ZZEF1: variants seen among roughly 807,000 people sequenced by gnomAD.
The protein encoded by ZZEF1 is zinc finger ZZ-type and EF-hand domain containing 1.
ZZEF1 carries 157 observed loss-of-function variants against 342.8 expected under a neutral mutation model. That is an observed-to-expected ratio of 0.46 (90% CI 0.40 to 0.52). The LOEUF (loss-of-function observed/expected upper bound fraction) is 0.52, where lower values mean the gene tolerates loss of function less well. Ranked by LOEUF, ZZEF1 falls within the 20% of genes least tolerant of loss-of-function variation. The probability of loss-of-function intolerance (pLI) is 0.00; values close to 1 mark genes in which losing one functional copy is unlikely to be tolerated. For missense variants in ZZEF1, 3,480 were observed against 3,725.6 expected (o/e 0.93, Z 1.72); for synonymous variants, 1,505 against 1,429.1 (o/e 1.05, Z -1.20).
At chr17:4,031,678 C>T (rs1199704074) in intron 42 of ZZEF1, among the ~76,000 whole-genome samples, 2 of 152,138 alleles carry the variant, frequency 1.3e-5, no homozygotes, top group Non-Finnish European at 2.9e-5. Flanking sequence ...CCTTGGCAAA[C>T]TAAGTCAAAA....
chr17:4,097,584 G>C (rs779904944), intron 9 of ZZEF1, among the ~76,000 whole-genome samples: 2 of 151,398 alleles, frequency 1.3e-5, no homozygotes, highest in Non-Finnish European at 2.9e-5. Flanking sequence ...AATTCTGTAA[G>C]TTGTAGAACA....
chr17:4,117,107 G>A lies in ZZEF1; in HGVS notation c.559C>T (p.Leu187=), dbSNP rs1239407079. Residue 187 remains leucine (L), a synonymous_variant, in exon 3 of 55, where the codon CTG becomes TTG. Transcript: ENST00000381638. ...EGLDIHSSMI[L]RFLHRNRLSS... ...AGCCGATTGCGGTGCAGGAAGCGCAGTATCATTGACGAGTGAATATCAAGG... is the reference window on the plus strand; with the variant it reads ...AGCCGATTGCGGTGCAGGAAGCGCAATATCATTGACGAGTGAATATCAAGG... The A allele has an allele frequency of 6.2e-7, 1 of 1,614,162 alleles. No individual in the cohort carries two copies. Among genetic ancestry groups the A allele is most frequent in the African/African-American group, 1.3e-5 (1 of 75,060 alleles).
At chr17:4,140,371 A>G (rs1173558174) in intron 1 of ZZEF1, among the ~76,000 whole-genome samples, 1 of 152,168 alleles carries the variant, frequency 6.6e-6, no homozygotes, top group African/African-American at 2.4e-5. Context: ...TGTGGGCTGA[A>G]ATGTTACCTT....
At chr17:4,039,412 G>A (rs1208208617) in intron 39 of ZZEF1, among the ~76,000 whole-genome samples, 1 of 152,092 alleles carries the variant, frequency 6.6e-6, no homozygotes, top group Non-Finnish European at 1.5e-5. Context: ...GGAGGTTGCA[G>A]TGAGCTGAAA....
chr17:4,078,090 C>T (rs771931864), intron 18 of ZZEF1, 48 bp from the exon 19 acceptor site: 7 of 1,580,798 alleles, frequency 4.4e-6, no homozygotes, highest in East Asian at 2.3e-5. Context: ...AGGCCATTCA[C>T]AGAGCATAGC....
chr17:4,119,298 G>A (rs1053562337), intron 2 of ZZEF1, among the ~76,000 whole-genome samples: 1 of 152,160 alleles, frequency 6.6e-6, no homozygotes, highest in African/African-American at 2.4e-5. Context: ...AGTTGAATGG[G>A]AACATGGTGG....
Position 4,009,749 on chromosome 17 carries a change from C to A in ZZEF1, c.8588G>T (p.Cys2863Phe). Reference protein sequence around the residue: ...IVRCCGHSDLCDLALLKPLWQ... With the variant: ...IVRCCGHSDLFDLALLKPLWQ... ...CAGGGGCTTCAACAGCGCAAGGTCA[C>A]ACAGGTCACTGCAGGAGGAGCCCCG... is the stretch of plus-strand genomic sequence containing the variant. The change falls in exon 53 of 55, where the codon TGT (cysteine) becomes TTT (phenylalanine). Residue 2863 changes from cysteine (C) to phenylalanine (F), a missense_variant. Physicochemically the swap from Cys to Phe is radical, Grantham distance 205. Coordinates refer to ENST00000381638, the MANE Select transcript of ZZEF1 (RefSeq NM_015113.4). The A allele has an allele frequency of 6.2e-7, 1 of 1,614,052 alleles. No homozygotes were observed. The highest frequency in any genetic ancestry group is 1.6e-4 in the Middle Eastern group (1 of 6,062).
intron 49 of ZZEF1, among the ~76,000 whole-genome samples, chr17:4,015,368 A>C (rs2056071637): frequency 1.3e-5 from 2 of 152,236 alleles, no homozygotes; most frequent in Non-Finnish European, 2.9e-5. Flanking sequence ...CCCAGTTCTA[A>C]ATCGGTTTTC....
In ZZEF1 at chr17:4,123,954, T is replaced by A; in HGVS notation, c.452A>T (p.Glu151Val). 1.2e-6 allele frequency: 2 copies of A among 1,613,800 alleles called. No individual in the cohort carries two copies. The highest frequency in any genetic ancestry group is 1.7e-6 in the Non-Finnish European group (2 of 1,179,942). ...KNSSGANLQGELSHIIRQLQA... is the reference protein window; with the variant it reads ...KNSSGANLQGVLSHIIRQLQA... ...TAGTTGTCTGATGATGTGGCTCAGC[T>A]CCCCCTGAAGATTAGCTCCACTGGA... is the stretch of plus-strand genomic sequence containing the variant. Residue 151 changes from glutamate (E) to valine (V), a missense_variant, in exon 2 of 55, where the codon GAG (glutamate) becomes GTG (valine). Physicochemically the swap from Glu to Val is moderately radical, Grantham distance 121. Around this residue, in one of 5 missense-constraint regions of ZZEF1, gnomAD observed 416 missense variants for 374.2 expected, o/e 1.11. Transcript: ENST00000381638.
At position 4,095,824 on chromosome 17, in the gene ZZEF1, T is replaced by C; in HGVS notation, c.1913+7A>G. 1 of 1,602,652 alleles carries C rather than the reference T, an allele frequency of 6.2e-7. No individual in the cohort carries two copies. Among genetic ancestry groups the C allele is most frequent in the Admixed American group, 1.7e-5 (1 of 57,660 alleles). On this transcript the variant is annotated splice_region_variant and intron_variant, in intron 11 of 54. Transcript: ENST00000381638. ...CTTTGTTCTACAAAGATTTTTTACCTTCTTACCTGCTTTTTACAAATTGCC... is the reference window on the plus strand; with the variant it reads ...CTTTGTTCTACAAAGATTTTTTACCCTCTTACCTGCTTTTTACAAATTGCC...
chr17:4,021,929 G>A (rs1330137163), intron 44 of ZZEF1, among the ~76,000 whole-genome samples: 1 of 151,150 alleles, frequency 6.6e-6, no homozygotes, highest in Admixed American at 6.6e-5. Flanking sequence ...ATAGAGTTTG[G>A]AGGGTTTTTT....
At chr17:4,081,350 A>G in intron 18 of ZZEF1, 26 bp downstream of exon 18, 1 of 1,600,574 alleles carries the variant, frequency 6.2e-7, no homozygotes, top group Non-Finnish European at 8.6e-7. Context: ...TGAGACAAAG[A>G]AAACAGGGAG....
intron 25 of ZZEF1, chr17:4,071,197 G>A: frequency 5.5e-6 from 2 of 362,456 alleles, no homozygotes; most frequent in Non-Finnish European, 9.8e-6. Flanking sequence ...GAATTCAAAG[G>A]AGAGAGATCC....
chr17:4,087,926 T>C (rs1432548691), intron 13 of ZZEF1, among the ~76,000 whole-genome samples: 1 of 152,160 alleles, frequency 6.6e-6, no homozygotes, highest in African/African-American at 2.4e-5. Flanking sequence ...GCCTTCCCCG[T>C]GCATGGACTG....
At chr17:4,134,984 G>T (rs2058725873) in intron 1 of ZZEF1, among the ~76,000 whole-genome samples, 3 of 152,164 alleles carry the variant, frequency 2.0e-5, no homozygotes, top group Admixed American at 2.0e-4. Flanking sequence ...GCCTGGTGTG[G>T]CTGGAAAGGA....
Position 4,085,733 on chromosome 17 carries a change from G to A in ZZEF1, c.2583C>T (p.Leu861=), listed in dbSNP as rs2057806453. 6.2e-7 allele frequency: 1 copy of A among 1,614,180 alleles called. No individual in the cohort carries two copies. The change falls in exon 16 of 55, where the codon CTC becomes CTT. Residue 861 remains leucine, a synonymous_variant. Transcript: ENST00000381638. ...ILKQEVRNTL[L]NGAAIFFPNR... is the part of the protein sequence containing the mutation. ...TAGGAAAGAAGATGGCAGCCCCATT[G>A]AGAAGGGTATTCCTGACTTCTTGTT...
Position 4,016,554 on chromosome 17 carries a change from G to C in ZZEF1, c.8002-88C>G. ...TACTTCAACCCAAGCTCCACCCAAA[G>C]GTGCTGGCATCATCTTAGACCTAGG... is the stretch of plus-strand genomic sequence containing the variant. On this transcript the variant is annotated intron_variant, in intron 48 of 54. Transcript: ENST00000381638. The surrounding 1 kb of genome is among the most constrained non-coding windows in gnomAD (Gnocchi z 4.4). 1 of 1,484,384 alleles carries C rather than the reference G, an allele frequency of 6.7e-7. No individual in the cohort carries two copies. The highest frequency in any genetic ancestry group is 1.8e-4 in the Middle Eastern group (1 of 5,620). 92.0% of individuals were successfully genotyped at this position (1,484,384 alleles called of 1,614,324 possible).
At chr17:4,009,036 G>T in intron 53 of ZZEF1, 82 bp from the exon 54 acceptor site, 1 of 1,473,190 alleles carries the variant, frequency 6.8e-7, no homozygotes, top group Non-Finnish European at 9.1e-7. Flanking sequence ...ACACCTGCTT[G>T]CGAAAGCAGA....
At chr17:4,036,817 A>ACACTCTCT (rs754105162) in intron 39 of ZZEF1, among the ~76,000 whole-genome samples, 4 of 72,614 alleles carry the variant, frequency 5.5e-5, no homozygotes, top group African/African-American at 1.3e-4. Flanking sequence ...ACACACACAC[A>ACACTCTCT]CTCTCTCTCT....
Sources: gnomAD v4.1 joint callset for allele counts (sites outside exome capture counted in the v4.1 genomes callset) on GRCh38, gnomAD v4.1.1 for gene constraint, gnomAD v4.1.1 regional missense constraint, Gnocchi (gnomAD v3.1) non-coding constraint, MANE v1.5 for transcripts, NCBI Gene and HGNC (gene_info 2026-07-23, HGNC 2026-07-21) for gene names.